The following RBBP8 variants were observed in gnomAD, a reference collection of about 807,000 sequenced individuals.
RBBP8 encodes RB binding protein 8, endonuclease.
Under a neutral mutation model 108.3 loss-of-function variants are expected in RBBP8, and 88 were observed. The observed-to-expected ratio is 0.81, with a 90% CI of 0.68 to 0.97. RBBP8 has a LOEUF of 0.97. Ranked by LOEUF, RBBP8 falls within the 50% of genes least tolerant of loss-of-function variation. RBBP8 has a pLI of 0.00. For missense variants in RBBP8, 1,023 were observed against 1,049.0 expected (o/e 0.98, Z 0.34); for synonymous variants, 332 against 348.2 (o/e 0.95, Z 0.52).
intron 3 of RBBP8, among the ~76,000 whole-genome samples, chr18:22,926,423 C>G (rs969518420): frequency 3.9e-5 from 6 of 152,018 alleles, no homozygotes; most frequent in Non-Finnish European, 8.8e-5. Context: ...GACTCTGTAT[C>G]AAAATAAATA....
chr18:22,930,803 G>A (rs1027575555), upstream of RBBP8, among the ~76,000 whole-genome samples: 4 of 152,028 alleles, frequency 2.6e-5, no homozygotes, highest in Middle Eastern at 3.4e-3. Context: ...AGGGTCTCTC[G>A]CTCTGTCACC....
intron 2 of RBBP8, among the ~76,000 whole-genome samples, chr18:22,938,129 T>C (rs1910737761): frequency 1.3e-5 from 2 of 151,668 alleles, no homozygotes; most frequent in African/African-American, 2.4e-5. Context: ...GCCCAGCTGA[T>C]CTTTTTTTCT....
rs1169784679 is a variant in RBBP8 at position 22,992,920 on chromosome 18, A to T, written c.1093A>T (p.Ser365Cys). 2 of 1,613,890 alleles carry T rather than the reference A, an allele frequency of 1.2e-6. No individual in the cohort carries two copies. The highest frequency in any genetic ancestry group is 1.7e-6 in the Non-Finnish European group (2 of 1,179,922). ...AAAACATCTGAAAACACTCCCTTTT[A>T]GCAACACTTGTATATCTAGATTAGA... The part of the protein sequence containing the change: ...KKKHLKTLPF[S>C]NTCISRLEKT... Residue 365 changes from serine (S) to cysteine (C), a missense_variant, in exon 11 of 19, where the codon AGC becomes TGC. Ser to Cys is a moderately radical substitution (Grantham distance 112). Coordinates refer to ENST00000327155, the MANE Select transcript of RBBP8 (RefSeq NM_002894.3).
chr18:22,969,065 G>A (rs1913870601), intron 5 of RBBP8, 147 bp downstream of exon 5: 3 of 644,860 alleles, frequency 4.7e-6, no homozygotes, highest in Non-Finnish European at 7.9e-6. Context: ...TGTACTTTTT[G>A]TAGATTTAAT....
intron 15 of RBBP8, among the ~76,000 whole-genome samples, chr18:23,005,842 G>T (rs1156298229): frequency 6.6e-6 from 1 of 152,112 alleles, no homozygotes; most frequent in African/African-American, 2.4e-5. Context: ...GTAATTTTGA[G>T]TTGAATGAAA....
rs71161358 is a variant in RBBP8, at chr18:23,022,671, A to AAG, written c.2596+401_2596+402insAG. Among the ~76,000 whole-genome samples the AAG allele has an allele frequency of 1.9e-3, 279 of 146,814 alleles. 2 individuals carry two copies. Among genetic ancestry groups the AAG allele is most frequent in the African/African-American group, 6.9e-3 (272 of 39,144 alleles). ...TACAATATAAAATAAAATAAAATAA[A>AAG]TAACTGTATATGCCCAAATGTGAAC... On this transcript the variant is annotated intron_variant, in intron 18 of 18. Transcript: ENST00000327155.
At chr18:22,946,829 C>T (rs1178258294) in intron 3 of RBBP8, among the ~76,000 whole-genome samples, 1 of 152,090 alleles carries the variant, frequency 6.6e-6, no homozygotes, top group East Asian at 1.9e-4. Context: ...TTTGTTGAGC[C>T]ATAATTAACA....
intron 4 of RBBP8, among the ~76,000 whole-genome samples, chr18:22,959,282 C>T (rs1238844737): frequency 6.6e-6 from 1 of 152,188 alleles, no homozygotes; most frequent in African/African-American, 2.4e-5. Context: ...TCCCTGAAAA[C>T]TTTGAAGGCA....
intron 16 of RBBP8, among the ~76,000 whole-genome samples, chr18:23,010,912 G>T (rs187877957): frequency 6.6e-6 from 1 of 152,182 alleles, no homozygotes; most frequent in Non-Finnish European, 1.5e-5. Context: ...CCTACGTCAC[G>T]ATAAGACACT....
At chr18:22,990,258 G>C (rs62095209) in intron 9 of RBBP8, among the ~76,000 whole-genome samples, 25,850 of 152,060 alleles carry the variant, frequency 0.17, 2,390 homozygotes, top group African/African-American at 0.24. Context: ...TTTGAAGTTT[G>C]GTAGAGATGC....
intron 16 of RBBP8, among the ~76,000 whole-genome samples, chr18:23,016,115 G>A (rs2046251013): frequency 6.6e-6 from 1 of 152,084 alleles, no homozygotes; most frequent in African/African-American, 2.4e-5. Flanking sequence ...TTGTCACGTT[G>A]GCCAGGCTGG....
rs187067911 is a variant in RBBP8, at chr18:22,969,608, A to G, written c.361+690A>G. Among the ~76,000 whole-genome samples, 206 of 152,302 alleles carry G rather than the reference A, an allele frequency of 1.4e-3. 1 individual carries two copies. Among genetic ancestry groups the G allele is most frequent in the Non-Finnish European group, 2.2e-3 (149 of 68,000 alleles). The stretch of plus-strand genomic sequence containing the variant: ...TTATTCAAGCAAGAATATTGAATAT[A>G]TGCTCATTGTTTTTAAAAGAGGTAA... On this transcript the variant is annotated intron_variant, in intron 5 of 18. Transcript: ENST00000327155.
chr18:22,928,434 G>C (rs1909873085), upstream of RBBP8, among the ~76,000 whole-genome samples: 1 of 152,170 alleles, frequency 6.6e-6, no homozygotes, highest in Non-Finnish European at 1.5e-5. Context: ...TAGTGCCTGA[G>C]CTGAGACTTA....
Position 23,026,195 on chromosome 18 carries a change from T to A in RBBP8, c.2649T>A (p.Pro883=). 1.2e-6 allele frequency: 2 copies of A among 1,613,870 alleles called. No homozygotes were observed. Among genetic ancestry groups the A allele is most frequent in the East Asian group, 4.5e-5 (2 of 44,814 alleles). The change falls in exon 19 of 19, where the codon CCT becomes CCA. Residue 883 remains proline, a synonymous_variant. Coordinates refer to ENST00000327155, the MANE Select transcript of RBBP8 (RefSeq NM_002894.3). ...GTCCTCGTCCAAAAAGACGTCAGCC[T>A]TACAACGCAATATTTTCTCCAAAAG... The part of the protein sequence containing the change: ...DPCPRPKRRQ[P]YNAIFSPKGK...
intron 8 of RBBP8, among the ~76,000 whole-genome samples, chr18:22,985,754 T>G (rs1358621169): frequency 1.3e-5 from 2 of 152,054 alleles, no homozygotes; most frequent in African/African-American, 2.4e-5. Context: ...TTTGGATTCA[T>G]GAGTAGATGT....
chr18:22,929,552 A>G (rs897999), upstream of RBBP8: 63,038 of 97,224 alleles, frequency 0.65, 17,984 homozygotes, highest in Middle Eastern at 0.79. Context: ...GTGTGTGTGT[A>G]TGTGTGTGTG....
At chr18:22,944,681 A>T (rs1911398076) in intron 2 of RBBP8, among the ~76,000 whole-genome samples, 1 of 152,212 alleles carries the variant, frequency 6.6e-6, no homozygotes, top group Non-Finnish European at 1.5e-5. Flanking sequence ...TAGAGCATAG[A>T]ATCGAAGATA....
chr18:23,003,958 C>T (rs958651286), intron 15 of RBBP8, among the ~76,000 whole-genome samples: 1 of 146,486 alleles, frequency 6.8e-6, no homozygotes, highest in Non-Finnish European at 1.5e-5. Context: ...TCGGGAGGCT[C>T]AGGCAGGAGA....
At chr18:22,953,567 T>A (rs904909796) in intron 4 of RBBP8, among the ~76,000 whole-genome samples, 22 of 152,258 alleles carry the variant, frequency 1.4e-4, no homozygotes, top group African/African-American at 5.3e-4. Context: ...TTCAAAACAC[T>A]CTTCATTTTA....
Sources: allele counts gnomAD v4.1 joint callset (sites outside exome capture counted in the v4.1 genomes callset), GRCh38; gene constraint gnomAD v4.1.1; transcripts MANE v1.5; gene names NCBI Gene and HGNC (gene_info 2026-07-23, HGNC 2026-07-21).